MERTK: variants seen among roughly 807,000 people sequenced by gnomAD.
MERTK encodes tyrosine-protein kinase Mer.
A neutral mutation model predicts 99.3 loss-of-function variants in MERTK; 69 were observed. The ratio of observed to expected loss-of-function variants is 0.70; its 90% CI spans 0.57 to 0.85. MERTK has a LOEUF of 0.85. MERTK is among the 40% of genes least tolerant of loss of function. The pLI is 0.00. For synonymous variants in MERTK, 426 were observed against 467.6 expected (o/e 0.91, Z 1.15); for missense variants, 1,125 against 1,249.4 (o/e 0.90, Z 1.50).
intron 7 of MERTK, among the ~76,000 whole-genome samples, chr2:111,979,958 C>T (rs1048072278): frequency 1.3e-5 from 2 of 152,092 alleles, no homozygotes; most frequent in East Asian, 1.9e-4. Context: ...GCTGTCTGCT[C>T]CTATGGAAGA....
At chr2:111,926,198 A>C (rs968538194) in intron 1 of MERTK, among the ~76,000 whole-genome samples, 1 of 152,220 alleles carries the variant, frequency 6.6e-6, no homozygotes, top group Non-Finnish European at 1.5e-5. Flanking sequence ...AAATTTGTTA[A>C]GTTCCTAATT....
At chr2:111,900,149 C>G (rs923680313) in intron 1 of MERTK, among the ~76,000 whole-genome samples, 1 of 152,002 alleles carries the variant, frequency 6.6e-6, no homozygotes, top group Non-Finnish European at 1.5e-5. Context: ...TTAGGAATAC[C>G]TGGAAAGCTC....
At chr2:111,984,506 T>C (rs1676432871) in intron 8 of MERTK, among the ~76,000 whole-genome samples, 1 of 152,182 alleles carries the variant, frequency 6.6e-6, no homozygotes, top group Non-Finnish European at 1.5e-5. Context: ...AAATTCTGAC[T>C]CACTTGAAGG....
Position 111,940,122 on chromosome 2 carries a change from A to G in MERTK, c.483-4838A>G, listed in dbSNP as rs1401827504. On this transcript the variant is annotated intron_variant, in intron 2 of 18. Transcript: ENST00000295408. ...TTGGCTTCTACTCTTTTTTTTTTCT[A>G]CTTTCCTAAACTTTATTAAAGAAAA... Among the ~76,000 whole-genome samples the G allele has an allele frequency of 2.7e-5, 4 of 148,608 alleles. No individual in the cohort carries two copies. In the East Asian group the frequency reaches 7.9e-4, roughly 29 times the overall value.
At chr2:111,972,502 T>C (rs1676143039) in intron 6 of MERTK, among the ~76,000 whole-genome samples, 1 of 152,162 alleles carries the variant, frequency 6.6e-6, no homozygotes, top group African/African-American at 2.4e-5. Context: ...ACACAAGATT[T>C]ACCTGCTCTC....
At chr2:112,010,613 A>T (rs1573638907) in intron 15 of MERTK, among the ~76,000 whole-genome samples, 1 of 152,290 alleles carries the variant, frequency 6.6e-6, no homozygotes, top group Admixed American at 6.5e-5. Flanking sequence ...CGGATCATCT[A>T]GGAAATTTAG....
intron 2 of MERTK, among the ~76,000 whole-genome samples, chr2:111,938,149 T>C (rs1406975392): frequency 6.6e-6 from 1 of 152,192 alleles, no homozygotes. Flanking sequence ...CGATCACGGC[T>C]TATTGCAGCC....
Position 111,982,995 on chromosome 2 carries a change from T to G in MERTK, c.1296+2T>G, listed in dbSNP as rs1681147014. On this transcript the variant is annotated splice_donor_variant, in intron 8 of 18. Transcript: ENST00000295408. LOFTEE classifies it high-confidence loss of function. ...GTGTGGCAGAGTGCAGGGATTTCCG[T>G]AAGTCTAAACCCTAGAAGAGCACGA... The G allele has an allele frequency of 6.2e-7, 1 of 1,612,176 alleles. No individual in the cohort carries two copies. Among genetic ancestry groups the G allele is most frequent in the Admixed American group, 1.7e-5 (1 of 59,628 alleles).
intron 3 of MERTK, 98 bp from the exon 4 acceptor site, chr2:111,947,296 A>AAAAAAT: frequency 1.6e-6 from 2 of 1,219,092 alleles, no homozygotes; most frequent in Non-Finnish European, 2.4e-6. Context: ...CAAAAAAAGA[A>AAAAAAT]ATCTATTGCC....
At chr2:112,005,882 AT>A (rs1397281850) in intron 13 of MERTK, among the ~76,000 whole-genome samples, 3 of 152,038 alleles carry the variant, frequency 2.0e-5, no homozygotes, top group African/African-American at 7.2e-5. Context: ...GCTGAAGTTT[AT>A]TTATTTTTTT....
intron 1 of MERTK, among the ~76,000 whole-genome samples, chr2:111,905,407 C>T (rs1314705763): frequency 7.0e-6 from 1 of 141,980 alleles, no homozygotes; most frequent in African/African-American, 2.6e-5. Context: ...ATGTCTCAAA[C>T]ATTTCATTGA....
At chr2:111,931,521 A>G (rs1684670644) in intron 2 of MERTK, among the ~76,000 whole-genome samples, 1 of 152,134 alleles carries the variant, frequency 6.6e-6, no homozygotes, top group Non-Finnish European at 1.5e-5. Flanking sequence ...CCCCATCTCT[A>G]CTAAAAATAC....
Position 112,021,560 on chromosome 2 carries a change from C to T in MERTK, c.2328C>T (p.Val776=). The T allele has an allele frequency of 6.2e-7, 1 of 1,613,690 alleles. No individual in the cohort carries two copies. The highest frequency in any genetic ancestry group is 8.5e-7 in the Non-Finnish European group (1 of 1,179,784). ...CCATAGAAAGTCTTGCAGACCGAGT[C>T]TACACAAGTAAAAGTGATGTGGTAT... ...WIAIESLADR[V]YTSKSDVWAF... is the part of the protein sequence containing the mutation. Residue 776 remains valine (V), a synonymous_variant, in exon 17 of 19, where the codon GTC becomes GTT. Coordinates refer to ENST00000295408, the MANE Select transcript of MERTK (RefSeq NM_006343.3).
chr2:111,940,568 G>A (rs1255067991), intron 2 of MERTK: 4 of 632,048 alleles, frequency 6.3e-6, no homozygotes, highest in Non-Finnish European at 1.2e-5. Context: ...ACCAAAATTT[G>A]AATTGCCTTA....
At chr2:111,919,903 C>G (rs1049368248) in intron 1 of MERTK, among the ~76,000 whole-genome samples, 14 of 150,560 alleles carry the variant, frequency 9.3e-5, no homozygotes, top group Non-Finnish European at 1.5e-4. Flanking sequence ...TCAGATGTCT[C>G]AGCCCCTTCA....
chr2:112,019,675 G>A (rs1223929335), intron 16 of MERTK, among the ~76,000 whole-genome samples, 153 bp downstream of exon 16: 1 of 152,090 alleles, frequency 6.6e-6, no homozygotes, highest in Non-Finnish European at 1.5e-5. Context: ...AATATGGCTG[G>A]GTGTTTGGGA....
intron 6 of MERTK, among the ~76,000 whole-genome samples, chr2:111,975,042 G>T (rs113806630): frequency 6.6e-6 from 1 of 152,102 alleles, no homozygotes; most frequent in Non-Finnish European, 1.5e-5. Flanking sequence ...TATTTGCTCC[G>T]TTACCTGCCA....
chr2:111,908,614 T>C (rs891614508), intron 1 of MERTK, among the ~76,000 whole-genome samples: 9 of 152,234 alleles, frequency 5.9e-5, no homozygotes, highest in Non-Finnish European at 1.2e-4. Context: ...TTACATTTGA[T>C]TGCATATAAC....
At chr2:111,956,514 G>T (rs1381395769) in intron 4 of MERTK, among the ~76,000 whole-genome samples, 2 of 152,086 alleles carry the variant, frequency 1.3e-5, no homozygotes, top group Non-Finnish European at 2.9e-5. Context: ...TTTTGTTTTA[G>T]TTAGCTGGAT....
Sources: allele counts gnomAD v4.1 joint callset (sites outside exome capture counted in the v4.1 genomes callset), GRCh38; gene constraint gnomAD v4.1.1; transcripts MANE v1.5; gene names NCBI Gene and HGNC (gene_info 2026-07-23, HGNC 2026-07-21).